The following MARCHF6 variants were observed in gnomAD, a reference collection of about 807,000 sequenced individuals.
MARCHF6 encodes membrane associated ring-CH-type finger 6, also known as E3 ubiquitin-protein ligase MARCHF6.
Under a neutral mutation model 133.7 loss-of-function variants are expected in MARCHF6, and 31 were observed. The observed-to-expected ratio is 0.23, with a 90% CI of 0.17 to 0.31. The LOEUF (loss-of-function observed/expected upper bound fraction) is 0.31, where lower values mean the gene tolerates loss of function less well. MARCHF6 is among the 10% of genes least tolerant of loss of function. The probability of loss-of-function intolerance (pLI) is 1.00; values close to 1 mark genes in which losing one functional copy is unlikely to be tolerated. For missense variants in MARCHF6, 723 were observed against 1,121.6 expected (o/e 0.64, Z 5.08); for synonymous variants, 395 against 402.5 (o/e 0.98, Z 0.22).
Position 10,417,305 on chromosome 5 carries a change from T to G in MARCHF6, c.2184T>G (p.Ala728=). ...CTTTGATAGTTGCGGTGCTGTTGGCTGGAGTTGTCCCTCTCCTTCTGGGGC... is the reference window on the plus strand; with the variant it reads ...CTTTGATAGTTGCGGTGCTGTTGGCGGGAGTTGTCCCTCTCCTTCTGGGGC... The part of the protein sequence containing the change: ...MKTLIVAVLL[A]GVVPLLLGLL... The change falls in exon 22 of 26, where the codon GCT becomes GCG. Residue 728 remains alanine, a synonymous_variant. Transcript: ENST00000274140. 1.2e-6 allele frequency: 2 copies of G among 1,614,074 alleles called. No homozygotes were observed. The highest frequency in any genetic ancestry group is 2.7e-5 in the African/African-American group (2 of 75,034).
chr5:10,399,111 C>T (rs1362685667), intron 10 of MARCHF6, among the ~76,000 whole-genome samples: 1 of 152,114 alleles, frequency 6.6e-6, no homozygotes, highest in African/African-American at 2.4e-5. Flanking sequence ...ATTGTTGCAA[C>T]TGGTATTTAA....
At chr5:10,429,751 A>C (rs999876723) in intron 24 of MARCHF6, 142 bp from the exon 25 acceptor site, 1 of 657,932 alleles carries the variant, frequency 1.5e-6, no homozygotes, top group African/African-American at 1.8e-5. Flanking sequence ...CTCATGACCT[A>C]CACAGATTGT....
intron 4 of MARCHF6, among the ~76,000 whole-genome samples, chr5:10,382,311 G>A (rs1367142545): frequency 1.3e-5 from 2 of 152,108 alleles, no homozygotes; most frequent in Non-Finnish European, 1.5e-5. Flanking sequence ...TCAGGAGGCC[G>A]AGGCAGGCGG....
At chr5:10,414,614 C>A in intron 20 of MARCHF6, 112 bp downstream of exon 20, 2 of 789,728 alleles carry the variant, frequency 2.5e-6, no homozygotes, top group Non-Finnish European at 4.1e-6. Flanking sequence ...ATGATCATAG[C>A]TTACTGCAGC....
chr5:10,407,148 G>T lies in MARCHF6; in HGVS notation c.1499G>T (p.Arg500Leu). The stretch of plus-strand genomic sequence containing the variant: ...CTCCTGATGCTTTGGCTTCCTATAC[G>T]TATAATTAAGAGTGTGCTGCCTAAT... ...IVLLMLWLPI[R>L]IIKSVLPNFL... Residue 500 changes from arginine (R) to leucine (L), a missense_variant, in exon 17 of 26, where the codon CGT (arginine) becomes CTT (leucine). Arg to Leu is a moderately radical substitution (Grantham distance 102, BLOSUM62 -2). Transcript: ENST00000274140. 1 of 1,613,208 alleles carries T rather than the reference G, an allele frequency of 6.2e-7. No homozygotes were observed. The highest frequency in any genetic ancestry group is 8.5e-7 in the Non-Finnish European group (1 of 1,179,558).
chr5:10,400,567 A>G (rs886890759), intron 10 of MARCHF6, among the ~76,000 whole-genome samples: 2 of 151,944 alleles, frequency 1.3e-5, no homozygotes, highest in African/African-American at 4.8e-5. Flanking sequence ...GCCTGTTTTC[A>G]CAATGGTTTC....
Position 10,414,481 on chromosome 5 carries a change from C to G in MARCHF6, c.1945C>G (p.Leu649Val), listed in dbSNP as rs745449500. The G allele has an allele frequency of 1.2e-6, 2 of 1,613,328 alleles. No homozygotes were observed. Among genetic ancestry groups the G allele is most frequent in the East Asian group, 4.5e-5 (2 of 44,860 alleles). Residue 649 changes from leucine (L) to valine (V), a missense_variant, in exon 20 of 26, where the codon CTC becomes GTC. Physicochemically the swap from Leu to Val is conservative, Grantham distance 32. Around this residue, in one of 4 missense-constraint regions of MARCHF6, gnomAD observed 492 missense variants for 699.5 expected, o/e 0.70. Coordinates refer to ENST00000274140, the MANE Select transcript of MARCHF6 (RefSeq NM_005885.4). ...FMCITLLIAS[L>V]ICLTLPVFAG... is the part of the protein sequence containing the mutation. ...GTGTATAACATTACTGATTGCCAGC[C>G]TCATCTGCCTTACTTTACCAGGTAT...
At chr5:10,378,880 T>A in intron 3 of MARCHF6, 48 bp downstream of exon 3, 1 of 1,276,040 alleles carries the variant, frequency 7.8e-7, no homozygotes, top group Non-Finnish European at 1.1e-6. Flanking sequence ...TTATCACTCG[T>A]GGCATAAAGG....
intron 9 of MARCHF6, among the ~76,000 whole-genome samples, chr5:10,396,555 A>T (rs1738202166): frequency 6.6e-6 from 1 of 152,164 alleles, no homozygotes; most frequent in Non-Finnish European, 1.5e-5. Flanking sequence ...TCCTTTTTTT[A>T]GACAAAAGAT....
intron 4 of MARCHF6, among the ~76,000 whole-genome samples, chr5:10,382,507 T>C (rs956599487): frequency 6.6e-6 from 1 of 150,600 alleles, no homozygotes; most frequent in Non-Finnish European, 1.5e-5. Flanking sequence ...ATGAATTCTT[T>C]TGGGATTCTG....
intron 1 of MARCHF6, among the ~76,000 whole-genome samples, chr5:10,376,767 C>G (rs943093703): frequency 6.6e-6 from 1 of 152,178 alleles, no homozygotes; most frequent in Non-Finnish European, 1.5e-5. Context: ...AACCACGCAC[C>G]ACACTGCTCT....
chr5:10,392,626 C>T (rs567240547), intron 7 of MARCHF6, among the ~76,000 whole-genome samples: 13 of 152,158 alleles, frequency 8.5e-5, no homozygotes, highest in South Asian at 4.1e-4. Flanking sequence ...TGGTGGCGCA[C>T]GCCTGTAATC....
chr5:10,362,949 C>T lies in MARCHF6; in HGVS notation c.19+9032C>T, dbSNP rs905015365. On this transcript the variant is annotated intron_variant, in intron 1 of 25. Coordinates refer to ENST00000274140, the MANE Select transcript of MARCHF6 (RefSeq NM_005885.4). ...CAATTGCATAAAATATAAAGGATAT[C>T]GTTTTTCAACAAATGGCACTGGAAT... Among the ~76,000 whole-genome samples the T allele has an allele frequency of 5.3e-5, 8 of 151,966 alleles. No individual in the cohort carries two copies. In the East Asian group the frequency reaches 7.7e-4, roughly 15 times the overall value.
chr5:10,363,633 T>C (rs370216249), intron 1 of MARCHF6, among the ~76,000 whole-genome samples: 17 of 152,168 alleles, frequency 1.1e-4, no homozygotes, highest in African/African-American at 3.9e-4. Flanking sequence ...CCCAAGAGAA[T>C]TCAAAAAATA....
At chr5:10,412,491 A>T (rs1362357741) in intron 19 of MARCHF6, among the ~76,000 whole-genome samples, 1 of 152,204 alleles carries the variant, frequency 6.6e-6, no homozygotes, top group Non-Finnish European at 1.5e-5. Context: ...GAGTGAAAAA[A>T]AGGAAGTGGG....
intron 24 of MARCHF6, among the ~76,000 whole-genome samples, chr5:10,428,445 G>A (rs188062222): frequency 0.01 from 1,524 of 145,742 alleles, 11 homozygotes; most frequent in Middle Eastern, 0.06. Flanking sequence ...GGGTTCAAGC[G>A]ATTTTCCTGC....
At chr5:10,377,746 T>C in intron 1 of MARCHF6, 52 bp from the exon 2 acceptor site, 2 of 1,360,922 alleles carry the variant, frequency 1.5e-6, no homozygotes, top group Non-Finnish European at 2.1e-6. Context: ...TTTCTTGCTT[T>C]TTTAAAAAAG....
At chr5:10,371,873 C>T (rs919221824) in intron 1 of MARCHF6, among the ~76,000 whole-genome samples, 2 of 152,034 alleles carry the variant, frequency 1.3e-5, no homozygotes, top group Non-Finnish European at 2.9e-5. Flanking sequence ...TGGCTGGCAT[C>T]TATAATCCCA....
intron 9 of MARCHF6, among the ~76,000 whole-genome samples, chr5:10,395,181 A>G (rs374727363): frequency 5.6e-4 from 85 of 152,364 alleles, no homozygotes; most frequent in African/African-American, 2.0e-3. Context: ...GTAAAGGTCA[A>G]GATGCCCTTT....
Sources: gnomAD v4.1 joint callset for allele counts (sites outside exome capture counted in the v4.1 genomes callset) on GRCh38, gnomAD v4.1.1 for gene constraint, gnomAD v4.1.1 regional missense constraint, MANE v1.5 for transcripts, NCBI Gene and HGNC (gene_info 2026-07-23, HGNC 2026-07-21) for gene names.